IPO4: variants seen among roughly 807,000 people sequenced by gnomAD.
The protein encoded by IPO4 is importin-4.
In IPO4, 91 loss-of-function variants were observed where a neutral mutation model predicts 133.5. That is an observed-to-expected ratio of 0.68 (90% confidence interval 0.58 to 0.81). The LOEUF is 0.81. IPO4 is among the 30% of genes least tolerant of loss of function. The pLI is 0.00. For synonymous variants in IPO4, 607 were observed against 581.6 expected, an observed-to-expected ratio of 1.04 and a Z score of -0.63; for missense variants, 1,279 against 1,386.2, an observed-to-expected ratio of 0.92 and a Z score of 1.23.
rs566385618 is a variant in IPO4 at position 24,180,561 on chromosome 14, C to T, written c.3127G>A (p.Ala1043Thr). Residue 1043 changes from alanine to threonine, a missense_variant, in exon 30 of 30, where the codon GCA becomes ACA. Around this residue, in one of 3 missense-constraint regions of IPO4, gnomAD observed 575 missense variants for 653.4 expected, o/e 0.88. Transcript: ENST00000354464. ...AGGAACGTCAGGAGCAGCAACAGTG[C>T]GGCCTTGGTGTCTGGGTGGAGAGGG... ...DNKIPPDTKA[A>T]LLLLLTFLAK... The T allele has an allele frequency of 7.3e-5, 118 of 1,613,988 alleles. No individual in the cohort carries two copies. In the East Asian group the frequency reaches 2.1e-3, roughly 29 times the overall value.
chr14:24,183,972 G>GGGGGC, intron 18 of IPO4, 26 bp downstream of exon 18: 2 of 1,573,288 alleles, frequency 1.3e-6, no homozygotes, highest in Non-Finnish European at 1.7e-6. Flanking sequence ...GGCAGGCCTG[G>GGGGGC]CCCAGCCCAC....
rs771547267 is a variant in IPO4 at position 24,186,140 on chromosome 14, A to T, written c.1048T>A (p.Cys350Ser). ...AGAGCCACACTTACCAGCTGGGGAC[A>T]GAGCTTCTCGGGGGGCAGGTGTAGT... Reference protein sequence around the residue: ...LALHLPPEKLCPQLMPMLEEA... With the variant: ...LALHLPPEKLSPQLMPMLEEA... Residue 350 changes from cysteine (C) to serine (S), a missense_variant, in exon 11 of 30, where the codon TGT (cysteine) becomes AGT (serine). Cys to Ser is a moderately radical substitution (Grantham distance 112). Around this residue, in one of 3 missense-constraint regions of IPO4, gnomAD observed 695 missense variants for 704.1 expected, o/e 0.99. Coordinates refer to ENST00000354464, the MANE Select transcript of IPO4 (RefSeq NM_024658.4). The T allele has an allele frequency of 6.2e-7, 1 of 1,613,618 alleles. No individual in the cohort carries two copies. The highest frequency in any genetic ancestry group is 1.1e-5 in the South Asian group (1 of 91,040).
intron 24 of IPO4, 170 bp downstream of exon 24, chr14:24,182,622 T>A (rs925770759): frequency 1.1e-6 from 1 of 943,854 alleles, no homozygotes; most frequent in Non-Finnish European, 1.7e-6. Context: ...CTGCTCTCCT[T>A]CCCTGAACTC....
In IPO4 at chr14:24,187,661, T is replaced by C. The variant is rs765926675; in HGVS notation, c.408+6A>G. The C allele has an allele frequency of 1.9e-6, 3 of 1,613,944 alleles. No homozygotes were observed. The Admixed American group carries it at 5.0e-5, about 27-fold the overall frequency. On this transcript the variant is annotated splice_donor_region_variant and intron_variant, in intron 5 of 29. Coordinates refer to ENST00000354464, the MANE Select transcript of IPO4 (RefSeq NM_024658.4). ...GCCCTCCCTCCTGCCAACCATGTGA[T>C]GGTACCTCTCTCTCTGGGCTGTGGG...
chr14:24,188,030 G>T, intron 4 of IPO4, 186 bp downstream of exon 4: 1 of 769,004 alleles, frequency 1.3e-6, no homozygotes. Flanking sequence ...CTTCTGACTT[G>T]GGTTTGGCAG....
chr14:24,183,361 G>A lies in IPO4; in HGVS notation c.2122-6C>T, dbSNP rs2039169710. The A allele has an allele frequency of 5.0e-6, 8 of 1,604,856 alleles. No homozygotes were observed. Among genetic ancestry groups the A allele is most frequent in the Non-Finnish European group, 6.0e-6 (7 of 1,174,966 alleles). Reference sequence around the variant, plus strand: ...CGCACATTCAGGTGAGGGCACTGCAGGATGAGGAGGGGCGGGATATGTCTG... The same window carrying A: ...CGCACATTCAGGTGAGGGCACTGCAAGATGAGGAGGGGCGGGATATGTCTG... On this transcript the variant is annotated splice_polypyrimidine_tract_variant and splice_region_variant and intron_variant, in intron 21 of 29. Coordinates refer to ENST00000354464, the MANE Select transcript of IPO4 (RefSeq NM_024658.4).
intron 28 of IPO4, among the ~76,000 whole-genome samples, chr14:24,181,289 C>T (rs1197556090): frequency 6.6e-6 from 1 of 152,222 alleles, no homozygotes; most frequent in Non-Finnish European, 1.5e-5. Context: ...AGGAAAAATG[C>T]TACGTGGAGA....
Position 24,186,393 on chromosome 14 carries a change from G to A in IPO4, c.899C>T (p.Ala300Val). Residue 300 changes from alanine to valine, a missense_variant, in exon 10 of 30, where the codon GCT becomes GTT. Ala to Val is a moderately conservative substitution (Grantham distance 64). Coordinates refer to ENST00000354464, the MANE Select transcript of IPO4 (RefSeq NM_024658.4). ...CAACTGGCCTGGTGGGGGCTCAGCA[G>A]CCACAATGGGGAAAAGGGTGTGCAG... is the stretch of plus-strand genomic sequence containing the variant. ...PLLHTLFPIV[A>V]AEPPPGQLDP... is the part of the protein sequence containing the mutation. 1 of 1,612,344 alleles carries A rather than the reference G, an allele frequency of 6.2e-7. No homozygotes were observed. The highest frequency in any genetic ancestry group is 8.5e-7 in the Non-Finnish European group (1 of 1,179,022).
rs751917526 is a variant in IPO4 at position 24,183,811 on chromosome 14, C to T, written c.1957G>A (p.Glu653Lys). Residue 653 changes from glutamate (E) to lysine (K), a missense_variant, in exon 19 of 30, where the codon GAA (glutamate) becomes AAA (lysine). This residue lies in a region of IPO4 where 575 missense variants were observed against 653.4 expected (regional missense o/e 0.88). Coordinates refer to ENST00000354464, the MANE Select transcript of IPO4 (RefSeq NM_024658.4). ...GAGATCTCTGAGTCATCCTCTTCTTCCACATCCTCATCCATGAGCTCCTCC... is the reference window on the plus strand; with the variant it reads ...GAGATCTCTGAGTCATCCTCTTCTTTCACATCCTCATCCATGAGCTCCTCC... ...EEEELMDEDV[E>K]EEDDSEISGY... 1.9e-5 allele frequency: 30 copies of T among 1,614,136 alleles called. No homozygotes were observed. Among genetic ancestry groups the T allele is most frequent in the Non-Finnish European group, 2.3e-5 (27 of 1,180,008 alleles).
chr14:24,182,892 C>A, intron 23 of IPO4, 50 bp from the exon 24 acceptor site: 1 of 1,550,898 alleles, frequency 6.4e-7, no homozygotes, highest in Non-Finnish European at 8.6e-7. Flanking sequence ...CTTCTCTTTT[C>A]ATGGGGGTAG....
Position 24,181,834 on chromosome 14 carries a change from GGGGAA to G in IPO4, c.2812_2816del (p.Phe938GlnfsTer16). ...GGGGAAAAAGGAGCCCCAGCAGCTTGGGGAAGTGTCTGGTCCACAGTCAAGGAATG... is the reference window on the plus strand; with the variant it reads ...GGGGAAAAAGGAGCCCCAGCAGCTTGGTGTCTGGTCCACAGTCAAGGAATG... On this transcript the variant is annotated frameshift_variant, in exon 27 of 30. Transcript: ENST00000354464. LOFTEE classifies it high-confidence loss of function. The G allele has an allele frequency of 6.3e-7, 1 of 1,596,798 alleles. No homozygotes were observed. The highest frequency in any genetic ancestry group is 8.5e-7 in the Non-Finnish European group (1 of 1,169,616).
chr14:24,185,812 A>G (rs2039211753), intron 12 of IPO4, 49 bp downstream of exon 12: 1 of 1,391,128 alleles, frequency 7.2e-7, no homozygotes, highest in East Asian at 2.3e-5. Context: ...CAGGACAGCC[A>G]TGGTCCTCCC....
At chr14:24,183,927 G>C (rs1340370479) in intron 18 of IPO4, 29 bp from the exon 19 acceptor site, 1 of 1,613,802 alleles carries the variant, frequency 6.2e-7, no homozygotes, top group Non-Finnish European at 8.5e-7. Flanking sequence ...AAGGACTTTG[G>C]CTCAGCTGGG....
At position 24,184,426 on chromosome 14, in the gene IPO4, G is replaced by A. The variant is rs151086788; in HGVS notation, c.1637-8C>T. 2.4e-3 allele frequency: 3,798 copies of A among 1,606,834 alleles called. 47 individuals are homozygous for A. In the African/African-American group the frequency reaches 0.026, roughly 11 times the overall value. On this transcript the variant is annotated splice_region_variant and splice_polypyrimidine_tract_variant and intron_variant, in intron 16 of 29. Coordinates refer to ENST00000354464, the MANE Select transcript of IPO4 (RefSeq NM_024658.4). Reference sequence around the variant, plus strand: ...CCAGCACCCCCAGTGTCTCTGTGGGGGCAAGGGCTCCATTAGCACCAGGAG... The same window carrying A: ...CCAGCACCCCCAGTGTCTCTGTGGGAGCAAGGGCTCCATTAGCACCAGGAG...
At position 24,183,110 on chromosome 14, in the gene IPO4, G is replaced by C. The variant is rs1395549907; in HGVS notation, c.2287C>G (p.Arg763Gly). ...PSYMQAVNRE[R>G]ERQVVMAVLE... The stretch of plus-strand genomic sequence containing the variant: ...ACGGCCATCACCACCTGGCGTTCCC[G>C]CTCCCTGTTCACTGCCTGCATGTAG... The change falls in exon 23 of 30, where the codon CGG becomes GGG. Residue 763 changes from arginine (R) to glycine (G), a missense_variant. This residue lies in a region of IPO4 where 575 missense variants were observed against 653.4 expected (regional missense o/e 0.88). Coordinates refer to ENST00000354464, the MANE Select transcript of IPO4 (RefSeq NM_024658.4). 2.5e-6 allele frequency: 4 copies of C among 1,613,696 alleles called. No individual in the cohort carries two copies. The highest frequency in any genetic ancestry group is 3.4e-6 in the Non-Finnish European group (4 of 1,180,002).
In IPO4 at chr14:24,185,984, T is replaced by C. The variant is rs1466836135; in HGVS notation, c.1060-14A>G. 2 of 1,610,314 alleles carry C rather than the reference T, an allele frequency of 1.2e-6. No homozygotes were observed. The highest frequency in any genetic ancestry group is 2.7e-5 in the African/African-American group (2 of 74,852). On this transcript the variant is annotated splice_polypyrimidine_tract_variant and intron_variant, in intron 11 of 29. Transcript: ENST00000354464. Reference sequence around the variant, plus strand: ...CAACATGGGCATCTAGGGAAGCATGTGGCACGCTTCTGAAACCCCAGCAAG... The same window carrying C: ...CAACATGGGCATCTAGGGAAGCATGCGGCACGCTTCTGAAACCCCAGCAAG...
chr14:24,185,700 C>A, intron 12 of IPO4, 133 bp from the exon 13 acceptor site: 1 of 952,952 alleles, frequency 1.0e-6, no homozygotes, highest in African/African-American at 1.6e-5. Context: ...AGCCCCTGGT[C>A]CCTATAGCTG....
Position 24,180,751 on chromosome 14 carries a change from T to A in IPO4, c.3053A>T (p.Asp1018Val), listed in dbSNP as rs781409856. Reference sequence around the variant, plus strand: ...GATACGCAGAAGCTCGGGAGCCACATCTATAACCTGTGAGGAAAGAGTGGC... The same window carrying A: ...GATACGCAGAAGCTCGGGAGCCACAACTATAACCTGTGAGGAAAGAGTGGC... ...LYQSSPDQVI[D>V]VAPELLRICS... is the part of the protein sequence containing the mutation. Residue 1018 changes from aspartate (D) to valine (V), a missense_variant, in exon 29 of 30, where the codon GAT becomes GTT. Asp to Val is a radical substitution (Grantham distance 152, BLOSUM62 -3). This residue lies in a region of IPO4 where 575 missense variants were observed against 653.4 expected (regional missense o/e 0.88). Coordinates refer to ENST00000354464, the MANE Select transcript of IPO4 (RefSeq NM_024658.4). 2.5e-6 allele frequency: 4 copies of A among 1,613,796 alleles called. No individual in the cohort carries two copies. In the Admixed American group the frequency reaches 6.7e-5, roughly 27 times the overall value.
chr14:24,183,197 G>C, intron 22 of IPO4, 28 bp from the exon 23 acceptor site: 1 of 1,610,904 alleles, frequency 6.2e-7, no homozygotes, highest in Non-Finnish European at 8.5e-7. Flanking sequence ...TGAAGCACCA[G>C]TCAGGCCCTG....
Sources: allele counts gnomAD v4.1 joint callset (sites outside exome capture counted in the v4.1 genomes callset), GRCh38; gene constraint gnomAD v4.1.1; regional missense constraint gnomAD v4.1.1; transcripts MANE v1.5; gene names NCBI Gene and HGNC (gene_info 2026-07-23, HGNC 2026-07-21).